Variants in RBAK observed in about 807,000 individuals in gnomAD.
RBAK encodes the protein RB-associated KRAB zinc finger protein.
RBAK carries 39 observed loss-of-function variants against 65.8 expected under a neutral mutation model. The observed-to-expected ratio is 0.59, with a 90% CI of 0.46 to 0.77. RBAK has a LOEUF of 0.77. Ranked by LOEUF, RBAK falls within the 30% of genes least tolerant of loss-of-function variation. The pLI, the probability that RBAK is intolerant of heterozygous loss-of-function variation, is 0.00. For synonymous variants in RBAK, 343 were observed against 289.7 expected (o/e 1.18, Z -1.87); for missense variants, 884 against 855.1 (o/e 1.03, Z -0.42).
At chr7:5,051,604 T>C (rs1432986793) in intron 2 of RBAK, among the ~76,000 whole-genome samples, 1 of 152,242 alleles carries the variant, frequency 6.6e-6, no homozygotes, top group Non-Finnish European at 1.5e-5. Context: ...AGTCTAGGAC[T>C]GTCAATTGCC....
In RBAK at chr7:5,068,039, G is replaced by T. The variant is rs1376486669; in HGVS notation, c.*2438G>T. On this transcript the variant is annotated 3_prime_UTR_variant, in exon 5 of 5. Transcript: ENST00000396912. ...AATTAGAACTTAATATTAAATTTGA[G>T]AACTTCTATTTATCAGAAAGACCAC... 6.6e-6 allele frequency: 1 copy of T among 152,092 alleles called. No individual in the cohort carries two copies. Among genetic ancestry groups the T allele is most frequent in the Non-Finnish European group, 1.5e-5 (1 of 68,014 alleles). 9.4% of individuals were successfully genotyped at this position (152,092 alleles called of 1,614,324 possible). A position where few individuals can be genotyped will look rare whatever the true frequency, so the allele number is the denominator to read the frequency against.
chr7:5,054,605 T>A (rs1019944415), intron 2 of RBAK, among the ~76,000 whole-genome samples: 19 of 151,994 alleles, frequency 1.3e-4, no homozygotes, highest in Admixed American at 1.2e-3. Context: ...ATATATATAT[T>A]TTTTTCTTTG....
At chr7:5,049,167 C>G (rs553139244) in intron 2 of RBAK, among the ~76,000 whole-genome samples, 4 of 152,298 alleles carry the variant, frequency 2.6e-5, no homozygotes, top group East Asian at 1.9e-4. Flanking sequence ...TTGCGGATAG[C>G]TTTCCTAATA....
Position 5,048,181 on chromosome 7 carries a change from C to G in RBAK, c.15+90C>G, listed in dbSNP as rs10266832. On this transcript the variant is annotated intron_variant, in intron 2 of 4. Transcript: ENST00000396912. The surrounding 1 kb of genome is among the most constrained non-coding windows in gnomAD (Gnocchi z 4.4). ...TAAGGATTCTTACCTTTTTTTTTTTCTTTTTTTTTGAGATGGAGTCTTGCT... is the reference window on the plus strand; with the variant it reads ...TAAGGATTCTTACCTTTTTTTTTTTGTTTTTTTTTGAGATGGAGTCTTGCT... 0.1 allele frequency: 143,232 copies of G among 1,422,664 alleles called. 6,919 individuals are homozygous for G. The highest frequency in any genetic ancestry group is 0.15 in the African/African-American group (9,830 of 67,038). The allele number at this position is 1,422,664 out of a possible 1,614,324, so 88.1% of individuals were successfully genotyped here. A position where few individuals can be genotyped will look rare whatever the true frequency, so the allele number is the denominator to read the frequency against.
In RBAK at chr7:5,065,680, G is replaced by A. The variant is rs1434945398; in HGVS notation, c.*79G>A. ...CAATAGGAAGTCAAAGCGTTTATCT[G>A]AGAGTTCGTGTTCCTGAACGGTGAG... On this transcript the variant is annotated 3_prime_UTR_variant, in exon 5 of 5. Coordinates refer to ENST00000396912, the MANE Select transcript of RBAK (RefSeq NM_021163.4). This position sits in a 1 kb window ranked among gnomAD's most constrained non-coding sequence, Gnocchi z 5.3. 1 of 1,089,180 alleles carries A rather than the reference G, an allele frequency of 9.2e-7. No homozygotes were observed. The highest frequency in any genetic ancestry group is 1.3e-6 in the Non-Finnish European group (1 of 793,298). The allele number at this position is 1,089,180 out of a possible 1,614,324, so 67.5% of individuals were successfully genotyped here. A position where few individuals can be genotyped will look rare whatever the true frequency, so the allele number is the denominator to read the frequency against.
intron 4 of RBAK, 23 bp downstream of exon 4, chr7:5,057,802 G>A: frequency 6.2e-7 from 1 of 1,613,504 alleles, no homozygotes. Context: ...CGTATCAAAG[G>A]TTAAAAAATG....
chr7:5,063,688 T>C lies in RBAK; in HGVS notation c.239-7T>C, dbSNP rs747889306. 1.9e-6 allele frequency: 3 copies of C among 1,571,714 alleles called. No individual in the cohort carries two copies. Among genetic ancestry groups the C allele is most frequent in the Non-Finnish European group, 2.6e-6 (3 of 1,163,314 alleles). ...TACAAAGTTTGTTTACTATTTTTCCTTTTTAGAAGCCTGGAGAGTTGATGA... is the reference window on the plus strand; with the variant it reads ...TACAAAGTTTGTTTACTATTTTTCCCTTTTAGAAGCCTGGAGAGTTGATGA... On this transcript the variant is annotated splice_polypyrimidine_tract_variant and splice_region_variant and intron_variant, in intron 4 of 4. Transcript: ENST00000396912.
rs1240423313 is a variant in RBAK, at chr7:5,064,792, A to G, written c.1336A>G (p.Ile446Val). The change falls in exon 5 of 5, where the codon ATA (isoleucine) becomes GTA (valine). Residue 446 changes from isoleucine to valine, a missense_variant. Physicochemically the swap from Ile to Val is conservative, Grantham distance 29. Transcript: ENST00000396912. This position sits in a 1 kb window ranked among gnomAD's most constrained non-coding sequence, Gnocchi z 6.3. ...KFFSRVSYLT[I>V]HYRSHLEEKP... is the part of the protein sequence containing the mutation. ...CTTTTCTCGGGTGTCATACCTCACTATACATTATAGAAGTCATTTAGAAGA... is the reference window on the plus strand; with the variant it reads ...CTTTTCTCGGGTGTCATACCTCACTGTACATTATAGAAGTCATTTAGAAGA... The G allele has an allele frequency of 4.3e-6, 7 of 1,613,956 alleles. No individual in the cohort carries two copies. Among genetic ancestry groups the G allele is most frequent in the South Asian group, 1.1e-5 (1 of 91,086 alleles).
intron 2 of RBAK, among the ~76,000 whole-genome samples, chr7:5,052,072 T>A (rs1307441580): frequency 6.6e-6 from 1 of 152,262 alleles, no homozygotes; most frequent in Non-Finnish European, 1.5e-5. Context: ...ACATAAATGT[T>A]CAAGGTTATT....
In RBAK at chr7:5,065,413, T is replaced by C. The variant is rs146839680; in HGVS notation, c.1957T>C (p.Cys653Arg). ...RSHSGEKPYE[C>R]NECGKVFSQK... ...CCATTCAGGAGAGAAACCCTATGAA[T>C]GTAATGAATGTGGGAAAGTCTTTTC... Residue 653 changes from cysteine (C) to arginine (R), a missense_variant, in exon 5 of 5, where the codon TGT (cysteine) becomes CGT (arginine). By Grantham distance (180) the Cys-to-Arg change is radical. Transcript: ENST00000396912. This position sits in a 1 kb window ranked among gnomAD's most constrained non-coding sequence, Gnocchi z 5.3. The C allele has an allele frequency of 2.5e-6, 4 of 1,613,860 alleles. No homozygotes were observed. In the African/African-American group the frequency reaches 4.0e-5, roughly 16 times the overall value.
chr7:5,065,212 CAA>C lies in RBAK; in HGVS notation c.1758_1759del (p.Arg587SerfsTer9), dbSNP rs770780647. ...FSHNSSLFRH[Q>X]RVHTGEKPYE... is the part of the protein sequence containing the mutation. Reference sequence around the variant, plus strand: ...CCATAATTCATCCCTCTTCAGACATCAAAGAGTACACACAGGCGAGAAACCCT... The same window carrying C: ...CCATAATTCATCCCTCTTCAGACATCAGAGTACACACAGGCGAGAAACCCT... On this transcript the variant is annotated frameshift_variant, in exon 5 of 5. Coordinates refer to ENST00000396912, the MANE Select transcript of RBAK (RefSeq NM_021163.4). LOFTEE classifies it high-confidence loss of function. This position sits in a 1 kb window ranked among gnomAD's most constrained non-coding sequence, Gnocchi z 5.3. 1.2e-6 allele frequency: 2 copies of C among 1,613,356 alleles called. No homozygotes were observed. The highest frequency in any genetic ancestry group is 2.2e-5 in the East Asian group (1 of 44,848).
rs765622402 is a variant in RBAK, at chr7:5,046,367, G to C, written c.-74G>C. 3.9e-6 allele frequency: 2 copies of C among 515,832 alleles called. No individual in the cohort carries two copies. Among genetic ancestry groups the C allele is most frequent in the Non-Finnish European group, 7.7e-6 (2 of 259,316 alleles). The allele number at this position is 515,832 out of a possible 1,614,324, so 32.0% of individuals were successfully genotyped here. On this transcript the variant is annotated 5_prime_UTR_variant, in exon 1 of 5. Transcript: ENST00000396912. ...GCCCCGCCCCGGCCTCTCGGGAGCCGTGGGGCAGAGGCTGCGGAGCCCCAG... is the reference window on the plus strand; with the variant it reads ...GCCCCGCCCCGGCCTCTCGGGAGCCCTGGGGCAGAGGCTGCGGAGCCCCAG...
Position 5,067,349 on chromosome 7 carries a change from A to G in RBAK, c.*1748A>G, listed in dbSNP as rs998143647. ...AGTTATGCAAAAAGCATTTTATGAT[A>G]TACCAGCAAAAAACATGGAAAATGA... On this transcript the variant is annotated 3_prime_UTR_variant, in exon 5 of 5. Coordinates refer to ENST00000396912, the MANE Select transcript of RBAK (RefSeq NM_021163.4). The G allele has an allele frequency of 6.6e-6, 1 of 152,208 alleles. No individual in the cohort carries two copies. Among genetic ancestry groups the G allele is most frequent in the Admixed American group, 6.5e-5 (1 of 15,276 alleles). 9.4% of individuals were successfully genotyped at this position (152,208 alleles called of 1,614,324 possible).
chr7:5,049,062 T>C lies in RBAK; in HGVS notation c.15+971T>C, dbSNP rs561470150. On this transcript the variant is annotated intron_variant, in intron 2 of 4. Coordinates refer to ENST00000396912, the MANE Select transcript of RBAK (RefSeq NM_021163.4). Reference sequence around the variant, plus strand: ...AACCATATCACCATCCATGACATCATTTGCATTCATTATAAGGAGAAACCA... The same window carrying C: ...AACCATATCACCATCCATGACATCACTTGCATTCATTATAAGGAGAAACCA... Among the ~76,000 whole-genome samples the C allele has an allele frequency of 9.3e-4, 142 of 152,322 alleles. 1 individual carries two copies. Among genetic ancestry groups the C allele is most frequent in the African/African-American group, 3.2e-3 (135 of 41,574 alleles).
chr7:5,063,520 T>C (rs1779131164), intron 4 of RBAK, among the ~76,000 whole-genome samples, 175 bp from the exon 5 acceptor site: 1 of 152,052 alleles, frequency 6.6e-6, no homozygotes, highest in East Asian at 1.9e-4. Context: ...TGTGTTTCTG[T>C]TTTGTATTCC....
chr7:5,046,232 A>G lies in RBAK; in HGVS notation c.-209A>G, dbSNP rs1404968713. ...GGCGGATCTGGGTCCCGGGAAGGAC[A>G]CCCGCCTGGATTTGCCCCTTAGGCC... On this transcript the variant is annotated 5_prime_UTR_variant, in exon 1 of 5. Coordinates refer to ENST00000396912, the MANE Select transcript of RBAK (RefSeq NM_021163.4). 3.9e-6 allele frequency: 2 copies of G among 507,972 alleles called. No individual in the cohort carries two copies. Among genetic ancestry groups the G allele is most frequent in the Admixed American group, 4.0e-5 (2 of 50,050 alleles). 31.5% of individuals were successfully genotyped at this position (507,972 alleles called of 1,614,324 possible). A position where few individuals can be genotyped will look rare whatever the true frequency, so the allele number is the denominator to read the frequency against.
Position 5,068,600 on chromosome 7 carries a change from A to G in RBAK, c.*2999A>G, listed in dbSNP as rs1779278349. 6.6e-6 allele frequency: 1 copy of G among 152,224 alleles called. No homozygotes were observed. The highest frequency in any genetic ancestry group is 6.5e-5 in the Admixed American group (1 of 15,272). The allele number at this position is 152,224 out of a possible 1,614,324, so 9.4% of individuals were successfully genotyped here. A position where few individuals can be genotyped will look rare whatever the true frequency, so the allele number is the denominator to read the frequency against. On this transcript the variant is annotated 3_prime_UTR_variant, in exon 5 of 5. Coordinates refer to ENST00000396912, the MANE Select transcript of RBAK (RefSeq NM_021163.4). ...TTTTGGCAAGGATGTAAGCAAGAGG[A>G]ACTGTACACTACTGGTGGAATTGCT...
In RBAK at chr7:5,064,302, T is replaced by G; in HGVS notation, c.846T>G (p.Ala282=). The G allele has an allele frequency of 6.2e-7, 1 of 1,614,102 alleles. No individual in the cohort carries two copies. The highest frequency in any genetic ancestry group is 8.5e-7 in the Non-Finnish European group (1 of 1,179,998). Residue 282 remains alanine (A), a synonymous_variant, in exon 5 of 5, where the codon GCT becomes GCG. Transcript: ENST00000396912. This position sits in a 1 kb window ranked among gnomAD's most constrained non-coding sequence, Gnocchi z 6.3. Reference sequence around the variant, plus strand: ...CAAAATTCATCATCCACCAGAGGGCTCACACAGGAGAGAAACCTTATGAAT... The same window carrying G: ...CAAAATTCATCATCCACCAGAGGGCGCACACAGGAGAGAAACCTTATGAAT... ...KKSKFIIHQR[A]HTGEKPYECN... is the part of the protein sequence containing the mutation.
chr7:5,065,671 C>A lies in RBAK; in HGVS notation c.*70C>A. On this transcript the variant is annotated 3_prime_UTR_variant, in exon 5 of 5. Transcript: ENST00000396912. The surrounding 1 kb of genome is among the most constrained non-coding windows in gnomAD (Gnocchi z 5.3). ...TGGGGAATCCAATAGGAAGTCAAAGCGTTTATCTGAGAGTTCGTGTTCCTG... is the reference window on the plus strand; with the variant it reads ...TGGGGAATCCAATAGGAAGTCAAAGAGTTTATCTGAGAGTTCGTGTTCCTG... 2 of 1,179,610 alleles carry A rather than the reference C, an allele frequency of 1.7e-6. No homozygotes were observed. Among genetic ancestry groups the A allele is most frequent in the Non-Finnish European group, 2.3e-6 (2 of 870,236 alleles). 73.1% of individuals were successfully genotyped at this position (1,179,610 alleles called of 1,614,324 possible). A position where few individuals can be genotyped will look rare whatever the true frequency, so the allele number is the denominator to read the frequency against.
Sources: allele counts gnomAD v4.1 joint callset (sites outside exome capture counted in the v4.1 genomes callset), GRCh38; gene constraint gnomAD v4.1.1; non-coding constraint Gnocchi (gnomAD v3.1); transcripts MANE v1.5; gene names NCBI Gene and HGNC (gene_info 2026-07-23, HGNC 2026-07-21).